The following MUC4 variants were observed in gnomAD, a reference collection of about 807,000 sequenced individuals.
MUC4 encodes the protein mucin-4.
Under a neutral mutation model 257.9 loss-of-function variants are expected in MUC4, and 202 were observed. The ratio of observed to expected loss-of-function variants is 0.78; its 90% confidence interval spans 0.70 to 0.88. MUC4 has a LOEUF of 0.88. Among genes scored for constraint, MUC4 ranks in the 40% least tolerant of loss-of-function variants. The pLI, the probability that MUC4 is intolerant of heterozygous loss-of-function variation, is 0.00. For missense variants in MUC4, 5,976 were observed against 6,513.7 expected (o/e 0.92, Z 2.84); for synonymous variants, 2,351 against 2,757.1 (o/e 0.85, Z 4.62).
chr3:195,752,496 T>C (rs770437639), intron 20 of MUC4, 50 bp from the exon 21 acceptor site: 1 of 1,554,588 alleles, frequency 6.4e-7, no homozygotes, highest in South Asian at 1.1e-5. Flanking sequence ...TTACCCAGAC[T>C]TACCCAAAAA....
In MUC4 at chr3:195,789,197, A is replaced by G; in HGVS notation, c.2383T>C (p.Ser795Pro). Residue 795 changes from serine to proline, a missense_variant, in exon 2 of 25, where the codon TCA becomes CCA. Ser to Pro is a moderately conservative substitution (Grantham distance 74). Transcript: ENST00000463781. ...GCTGTGCCCGCTGAGGTGGTTCGTG[A>G]CCCTGAGGAGGCCGGTTCGCTGGTC... The part of the protein sequence containing the change: ...TQTSEPASSG[S>P]RTTSAGTATP... 6.2e-7 allele frequency: 1 copy of G among 1,613,626 alleles called. No homozygotes were observed. Among genetic ancestry groups the G allele is most frequent in the Non-Finnish European group, 8.5e-7 (1 of 1,179,790 alleles).
chr3:195,798,060 G>A (rs1734781613), intron 1 of MUC4, among the ~76,000 whole-genome samples: 1 of 152,224 alleles, frequency 6.6e-6, no homozygotes, highest in Admixed American at 6.5e-5. Context: ...CGAGGCTGCA[G>A]TGAGCTATGA....
Position 195,782,263 on chromosome 3 carries a change from G to C in MUC4, c.9317C>G (p.Pro3106Arg). 6.5e-7 allele frequency: 1 copy of C among 1,531,790 alleles called. No individual in the cohort carries two copies. The highest frequency in any genetic ancestry group is 1.2e-5 in the South Asian group (1 of 82,486). The allele number at this position is 1,531,790 out of a possible 1,614,324, so 94.9% of individuals were successfully genotyped here. The change falls in exon 2 of 25, where the codon CCT (proline) becomes CGT (arginine). Residue 3106 changes from proline to arginine, a missense_variant. Coordinates refer to ENST00000463781, the MANE Select transcript of MUC4 (RefSeq NM_018406.7). The stretch of plus-strand genomic sequence containing the variant: ...GGATGCTGAGGAAGGGCTAGTGACA[G>C]GAAGAGGCGTGGTGTCACCTGTGGA... ...SVSTGDTTPL[P>R]VTSPSSASTG...
At chr3:195,763,354 T>C in intron 12 of MUC4, 79 bp downstream of exon 12, 1 of 1,329,740 alleles carries the variant, frequency 7.5e-7, no homozygotes, top group Non-Finnish European at 9.8e-7. Context: ...TTCGCTCTCT[T>C]CCTTCTCCTC....
chr3:195,762,895 G>C lies in MUC4; in HGVS notation c.14304C>G (p.Asn4768Lys). The change falls in exon 13 of 25, where the codon AAC becomes AAG. Residue 4768 changes from asparagine (N) to lysine (K), a missense_variant. Asn to Lys is a moderately conservative substitution (Grantham distance 94). This residue lies in a region of MUC4 where 996 missense variants were observed against 1,137.3 expected (regional missense o/e 0.88). Transcript: ENST00000463781. ...PHDAIRVLLD[N>K]QTVTFQPDHE... ...GGTCAGGCTGAAATGTCACAGTCTGGTTATCCAGCAGGACACGGATTGCGT... is the reference window on the plus strand; with the variant it reads ...GGTCAGGCTGAAATGTCACAGTCTGCTTATCCAGCAGGACACGGATTGCGT... 1 of 1,573,692 alleles carries C rather than the reference G, an allele frequency of 6.4e-7. No homozygotes were observed. The highest frequency in any genetic ancestry group is 8.6e-7 in the Non-Finnish European group (1 of 1,160,790).
chr3:195,800,890 GAAAAAA>G (rs59625247), intron 1 of MUC4, among the ~76,000 whole-genome samples: 3 of 91,374 alleles, frequency 3.3e-5, no homozygotes, highest in South Asian at 4.2e-4. Flanking sequence ...CCCCTTCTCT[GAAAAAA>G]AAAAAAAAAA....
intron 1 of MUC4, among the ~76,000 whole-genome samples, chr3:195,808,904 C>G (rs1296736153): frequency 6.6e-6 from 1 of 152,124 alleles, no homozygotes; most frequent in South Asian, 2.1e-4. Context: ...GGGGGTTCTC[C>G]GAGGAGGGGC....
At chr3:195,770,418 C>T in intron 5 of MUC4, 47 bp from the exon 6 acceptor site, 1 of 1,607,054 alleles carries the variant, frequency 6.2e-7, no homozygotes, top group Non-Finnish European at 8.5e-7. Context: ...GGTCCCACTC[C>T]TACACATGGG....
At chr3:195,773,158 C>A (rs917907736) in intron 4 of MUC4, among the ~76,000 whole-genome samples, 1 of 148,154 alleles carries the variant, frequency 6.7e-6, no homozygotes, top group Non-Finnish European at 1.5e-5. Context: ...GGTGTAGACA[C>A]CCTCTCTCCA....
chr3:195,789,448 G>C lies in MUC4; in HGVS notation c.2132C>G (p.Thr711Arg). ...GCTGCTGGGTGCTGCCTGCAGTGCTGTGGTCGGGGCCTGGGTTGTGTGACC... is the reference window on the plus strand; with the variant it reads ...GCTGCTGGGTGCTGCCTGCAGTGCTCTGGTCGGGGCCTGGGTTGTGTGACC... Reference protein sequence around the residue: ...GDGHTTQAPTTALQAAPSSHD... With the variant: ...GDGHTTQAPTRALQAAPSSHD... The change falls in exon 2 of 25, where the codon ACA (threonine) becomes AGA (arginine). Residue 711 changes from threonine to arginine, a missense_variant. Thr to Arg is a moderately conservative substitution (Grantham distance 71). Around this residue, in one of 44 missense-constraint regions of MUC4, gnomAD observed 1,583 missense variants for 1,257.4 expected, o/e 1.26. Coordinates refer to ENST00000463781, the MANE Select transcript of MUC4 (RefSeq NM_018406.7). The C allele has an allele frequency of 6.2e-7, 1 of 1,613,950 alleles. No homozygotes were observed. The highest frequency in any genetic ancestry group is 8.5e-7 in the Non-Finnish European group (1 of 1,179,864).
rs1319957590 is a variant in MUC4 at position 195,786,506 on chromosome 3, C to G, written c.5074G>C (p.Asp1692His). The G allele has an allele frequency of 4.6e-6, 7 of 1,518,528 alleles. No homozygotes were observed. The highest frequency in any genetic ancestry group is 3.2e-5 in the African/African-American group (2 of 62,542). The allele number at this position is 1,518,528 out of a possible 1,614,324, so 94.1% of individuals were successfully genotyped here. A position where few individuals can be genotyped will look rare whatever the true frequency, so the allele number is the denominator to read the frequency against. The change falls in exon 2 of 25, where the codon GAT becomes CAT. Residue 1692 changes from aspartate to histidine, a missense_variant. By Grantham distance (81) the Asp-to-His change is moderately conservative. Around this residue, in one of 44 missense-constraint regions of MUC4, gnomAD observed 138 missense variants for 107.8 expected, o/e 1.28. Coordinates refer to ENST00000463781, the MANE Select transcript of MUC4 (RefSeq NM_018406.7). ...GTGACAGGAAGACGGGTGGTGTCATCTGTGGTAGCTGAGGAAAGGCCGGTG... is the reference window on the plus strand; with the variant it reads ...GTGACAGGAAGACGGGTGGTGTCATGTGTGGTAGCTGAGGAAAGGCCGGTG... ...PVTGLSSATTDDTTRLPVTDV... is the reference protein window; with the variant it reads ...PVTGLSSATTHDTTRLPVTDV...
In MUC4 at chr3:195,754,248, G is replaced by A. The variant is rs770778490; in HGVS notation, c.15293C>T (p.Pro5098Leu). The A allele has an allele frequency of 3.1e-6, 5 of 1,613,822 alleles. No homozygotes were observed. Among genetic ancestry groups the A allele is most frequent in the Non-Finnish European group, 4.2e-6 (5 of 1,179,974 alleles). The stretch of plus-strand genomic sequence containing the variant: ...CCGCCCATCCCCAGTCAGGTTTGGA[G>A]GGCAGGCCTCGCAGCCCTTCCCAGG... ...CVPGKGCEAC[P>L]PNLTGDGRHC... is the part of the protein sequence containing the mutation. The change falls in exon 19 of 25, where the codon CCT becomes CTT. Residue 5098 changes from proline to leucine, a missense_variant. This residue lies in a region of MUC4 where 996 missense variants were observed against 1,137.3 expected (regional missense o/e 0.88). Coordinates refer to ENST00000463781, the MANE Select transcript of MUC4 (RefSeq NM_018406.7).
chr3:195,757,011 G>A lies in MUC4; in HGVS notation c.15168+136C>T. 2 of 882,404 alleles carry A rather than the reference G, an allele frequency of 2.3e-6. No individual in the cohort carries two copies. The highest frequency in any genetic ancestry group is 3.5e-6 in the Non-Finnish European group (2 of 575,008). The allele number at this position is 882,404 out of a possible 1,614,324, so 54.7% of individuals were successfully genotyped here. On this transcript the variant is annotated intron_variant, in intron 18 of 24. Transcript: ENST00000463781. The surrounding 1 kb of genome is among the most constrained non-coding windows in gnomAD (Gnocchi z 4.8). ...AGTTTGTGGCCTGAGACTGGAATCTGCTCTACTCACCTACCACTGCTCCAC... is the reference window on the plus strand; with the variant it reads ...AGTTTGTGGCCTGAGACTGGAATCTACTCTACTCACCTACCACTGCTCCAC...
In MUC4 at chr3:195,753,173, T is replaced by C. The variant is rs746479289; in HGVS notation, c.15386A>G (p.Asn5129Ser). Residue 5129 changes from asparagine to serine, a missense_variant, in exon 20 of 25, where the codon AAT (asparagine) becomes AGT (serine). Asn to Ser is a conservative substitution (Grantham distance 46). This residue lies in a region of MUC4 where 996 missense variants were observed against 1,137.3 expected (regional missense o/e 0.88). Coordinates refer to ENST00000463781, the MANE Select transcript of MUC4 (RefSeq NM_018406.7). ...CTGGGAGATGTAGCAGTGGCCTTGATTGTAGCAGTAATTCACAGGGCAGGA... is the reference window on the plus strand; with the variant it reads ...CTGGGAGATGTAGCAGTGGCCTTGACTGTAGCAGTAATTCACAGGGCAGGA... ...NQSCPVNYCY[N>S]QGHCYISQTL... The C allele has an allele frequency of 3.1e-6, 5 of 1,613,622 alleles. No homozygotes were observed. Among genetic ancestry groups the C allele is most frequent in the South Asian group, 1.1e-5 (1 of 91,040 alleles).
rs1215680197 is a variant in MUC4, at chr3:195,767,760, TCACCAC to T, written c.13530-1015_13530-1010del. Among the ~76,000 whole-genome samples, 65 of 29,536 alleles carry T rather than the reference TCACCAC, an allele frequency of 2.2e-3. 2 individuals carry two copies. The highest frequency in any genetic ancestry group is 0.024 in the Middle Eastern group (1 of 42). The allele number at this position is 29,536 out of a possible 152,430, so 19.4% of individuals were successfully genotyped here. Reference sequence around the variant, plus strand: ...ACCATCACCATCGCCACCACCACCATCACCACCACCACCACCATCACCACCATCATT... The same window carrying T: ...ACCATCACCATCGCCACCACCACCATCACCACCACCATCACCACCATCATT... On this transcript the variant is annotated intron_variant, in intron 7 of 24. Transcript: ENST00000463781.
At chr3:195,767,590 A>ACCACCATCG (rs1721196292) in intron 7 of MUC4, among the ~76,000 whole-genome samples, 1 of 119,112 alleles carries the variant, frequency 8.4e-6, no homozygotes, top group Non-Finnish European at 1.7e-5. Context: ...CACCATCACC[A>ACCACCATCG]CCACCACCAT....
rs748934674 is a variant in MUC4 at position 195,747,323 on chromosome 3, C to T, written c.16092G>A (p.Met5364Ile). ...AGATGCCGAAGAACGCGTCGAGTTTCATGCTCAGGTGCTCACAGTGCTCGC... is the reference window on the plus strand; with the variant it reads ...AGATGCCGAAGAACGCGTCGAGTTTTATGCTCAGGTGCTCACAGTGCTCGC... The part of the protein sequence containing the change: ...AWGEHCEHLS[M>I]KLDAFFGIFF... The change falls in exon 25 of 25, where the codon ATG (methionine) becomes ATA (isoleucine). Residue 5364 changes from methionine (M) to isoleucine (I), a missense_variant. Around this residue, in one of 44 missense-constraint regions of MUC4, gnomAD observed 310 missense variants for 242.1 expected, o/e 1.28. Coordinates refer to ENST00000463781, the MANE Select transcript of MUC4 (RefSeq NM_018406.7). 2 of 1,613,998 alleles carry T rather than the reference C, an allele frequency of 1.2e-6. No individual in the cohort carries two copies. Among genetic ancestry groups the T allele is most frequent in the Admixed American group, 1.7e-5 (1 of 60,010 alleles).
chr3:195,791,368 G>A lies in MUC4; in HGVS notation c.212C>T (p.Ser71Leu). 1 of 1,614,014 alleles carries A rather than the reference G, an allele frequency of 6.2e-7. No homozygotes were observed. Among genetic ancestry groups the A allele is most frequent in the Non-Finnish European group, 8.5e-7 (1 of 1,179,898 alleles). Reference sequence around the variant, plus strand: ...AGTCTGGTGGTTCTGAGATGAAGCTGATATGTCCTGATTAGAGGTCCTTGA... The same window carrying A: ...AGTCTGGTGGTTCTGAGATGAAGCTAATATGTCCTGATTAGAGGTCCTTGA... The part of the protein sequence containing the change: ...ASSRTSNQDI[S>L]ASSQNHQTKS... Residue 71 changes from serine (S) to leucine (L), a missense_variant, in exon 2 of 25, where the codon TCA becomes TTA. Physicochemically the swap from Ser to Leu is moderately radical, Grantham distance 145 (BLOSUM62 -2). Coordinates refer to ENST00000463781, the MANE Select transcript of MUC4 (RefSeq NM_018406.7).
intron 7 of MUC4, among the ~76,000 whole-genome samples, chr3:195,768,778 G>C (rs1324339595): frequency 6.6e-6 from 1 of 152,242 alleles, no homozygotes; most frequent in Non-Finnish European, 1.5e-5. Flanking sequence ...GGAAGCCAAA[G>C]CTCTGGGAAT....
Sources: allele counts gnomAD v4.1 joint callset (sites outside exome capture counted in the v4.1 genomes callset), GRCh38; gene constraint gnomAD v4.1.1; regional missense constraint gnomAD v4.1.1; non-coding constraint Gnocchi (gnomAD v3.1); transcripts MANE v1.5; gene names NCBI Gene and HGNC (gene_info 2026-07-23, HGNC 2026-07-21).